The following FERMT1 variants were observed in gnomAD, a reference collection of about 807,000 sequenced individuals.
FERMT1 encodes the protein FERM domain containing kindlin 1, also known as fermitin family homolog 1.
A neutral mutation model predicts 85.3 loss-of-function variants in FERMT1; 60 were observed. The ratio of observed to expected loss-of-function variants is 0.70; its 90% confidence interval spans 0.57 to 0.87. The LOEUF (loss-of-function observed/expected upper bound fraction) is 0.87, where lower values mean the gene tolerates loss of function less well. FERMT1 is among the 40% of genes least tolerant of loss of function. FERMT1 has a pLI of 0.00. For missense variants in FERMT1, 701 were observed against 818.9 expected (o/e 0.86, Z 1.76); for synonymous variants, 275 against 301.1 (o/e 0.91, Z 0.90).
chr20:6,115,618 A>G (rs1983073981), intron 3 of FERMT1, among the ~76,000 whole-genome samples, 193 bp downstream of exon 3: 1 of 152,208 alleles, frequency 6.6e-6, no homozygotes, highest in African/African-American at 2.4e-5. Flanking sequence ...GATGTACCTG[A>G]TTTATGCCAA....
At chr20:6,079,285 T>C (rs1361487530) in intron 14 of FERMT1, 151 bp downstream of exon 14, 5 of 889,982 alleles carry the variant, frequency 5.6e-6, no homozygotes, top group Non-Finnish European at 9.2e-6. Context: ...CAGAATTGCA[T>C]ATGATGATTT....
intron 6 of FERMT1, among the ~76,000 whole-genome samples, chr20:6,105,090 G>A (rs1035585261): frequency 1.3e-5 from 2 of 152,160 alleles, no homozygotes; most frequent in South Asian, 2.1e-4. Flanking sequence ...GGGGTGAGGG[G>A]CAAAGAAAGT....
intron 9 of FERMT1, among the ~76,000 whole-genome samples, chr20:6,092,966 C>T (rs1417870355): frequency 6.6e-6 from 1 of 151,796 alleles, no homozygotes; most frequent in Non-Finnish European, 1.5e-5. Context: ...TTTATTTTAT[C>T]TAGCATGCAT....
intron 8 of FERMT1, among the ~76,000 whole-genome samples, chr20:6,096,056 G>A (rs751352085): frequency 4.2e-4 from 64 of 152,194 alleles, no homozygotes; most frequent in Non-Finnish European, 7.1e-4. Context: ...CATGGATAAG[G>A]AGAAAGAGAT....
chr20:6,101,828 G>T (rs1401433185), intron 6 of FERMT1, among the ~76,000 whole-genome samples: 2 of 151,746 alleles, frequency 1.3e-5, no homozygotes, highest in Non-Finnish European at 2.9e-5. Context: ...AATTTTTTTT[G>T]TATTTTTAGT....
rs1265074883 is a variant in FERMT1, at chr20:6,097,588, C to T, written c.893G>A (p.Trp298Ter). ...RINQLYEQAR[W>*]AILLEEIDCT... ...ATCAATTTCTTCTAAGAGAATGGCCCACCTGGCTTGCTCATAGAGTTGGTT... is the reference window on the plus strand; with the variant it reads ...ATCAATTTCTTCTAAGAGAATGGCCTACCTGGCTTGCTCATAGAGTTGGTT... The change falls in exon 7 of 15, where the codon TGG (tryptophan) becomes TAG (stop). Residue 298 changes from tryptophan to a stop codon, truncating the protein, a stop_gained. Coordinates refer to ENST00000217289, the MANE Select transcript of FERMT1 (RefSeq NM_017671.5). LOFTEE classifies it high-confidence loss of function. 1 of 1,613,910 alleles carries T rather than the reference C, an allele frequency of 6.2e-7. No homozygotes were observed. The highest frequency in any genetic ancestry group is 8.5e-7 in the Non-Finnish European group (1 of 1,180,002).
At chr20:6,103,503 A>G (rs191081117) in intron 6 of FERMT1, among the ~76,000 whole-genome samples, 4 of 152,320 alleles carry the variant, frequency 2.6e-5, no homozygotes, top group Admixed American at 2.6e-4. Flanking sequence ...TGCCCTCTAT[A>G]GACTAATTTA....
chr20:6,077,094 C>G lies in FERMT1; in HGVS notation c.*79G>C. On this transcript the variant is annotated 3_prime_UTR_variant, in exon 15 of 15. Coordinates refer to ENST00000217289, the MANE Select transcript of FERMT1 (RefSeq NM_017671.5). ...TGTCTGTTAGTCCAGAATCTACATG[C>G]TGGGCACGTTAGGGATCCCTCTGGG... The G allele has an allele frequency of 7.1e-7, 1 of 1,405,796 alleles. No homozygotes were observed. Among genetic ancestry groups the G allele is most frequent in the Non-Finnish European group, 1.0e-6 (1 of 992,120 alleles). 87.1% of individuals were successfully genotyped at this position (1,405,796 alleles called of 1,614,324 possible).
chr20:6,109,735 A>C (rs575046088), intron 5 of FERMT1, among the ~76,000 whole-genome samples: 40 of 152,104 alleles, frequency 2.6e-4, no homozygotes, highest in African/African-American at 9.2e-4. Context: ...CCCAATCTCT[A>C]CTAAAAAAAT....
At chr20:6,092,526 G>T (rs1261358116) in intron 9 of FERMT1, among the ~76,000 whole-genome samples, 3 of 151,680 alleles carry the variant, frequency 2.0e-5, no homozygotes, top group Non-Finnish European at 4.4e-5. Flanking sequence ...TTGGGTGACA[G>T]AACGAGACTT....
chr20:6,117,674 C>T (rs1172584436), intron 2 of FERMT1, among the ~76,000 whole-genome samples: 2 of 151,878 alleles, frequency 1.3e-5, no homozygotes, highest in East Asian at 1.9e-4. Context: ...CCTCGTGATC[C>T]ACCCACCTCA....
chr20:6,107,571 T>C lies in FERMT1; in HGVS notation c.810A>G (p.Leu270=). 6.2e-7 allele frequency: 1 copy of C among 1,613,064 alleles called. No individual in the cohort carries two copies. The highest frequency in any genetic ancestry group is 2.2e-5 in the East Asian group (1 of 44,836). ...CGAAGAAAGAATAATATTTAAATCGTAAGAGCAGCTGCTCATCCTCTTGGA... is the reference window on the plus strand; with the variant it reads ...CGAAGAAAGAATAATATTTAAATCGCAAGAGCAGCTGCTCATCCTCTTGGA... ...QGIQEDEQLL[L]RFKYYSFFDL... is the part of the protein sequence containing the mutation. Residue 270 remains leucine (L), a synonymous_variant, in exon 6 of 15, where the codon TTA becomes TTG. Transcript: ENST00000217289.
intron 9 of FERMT1, among the ~76,000 whole-genome samples, chr20:6,091,905 G>A (rs897951039): frequency 2.6e-5 from 4 of 151,874 alleles, no homozygotes; most frequent in African/African-American, 9.7e-5. Context: ...GCATAAGAAC[G>A]AGCGAGACAG....
chr20:6,099,494 C>CA (rs944267307), intron 6 of FERMT1, among the ~76,000 whole-genome samples: 1 of 149,736 alleles, frequency 6.7e-6, no homozygotes, highest in Non-Finnish European at 1.5e-5. Flanking sequence ...AAGCCAAATA[C>CA]AAAAAAACAA....
At position 6,104,700 on chromosome 20, in the gene FERMT1, G is replaced by A. The variant is rs889623995; in HGVS notation, c.849+2832C>T. 1.3e-5 allele frequency among the ~76,000 whole-genome samples: 2 copies of A among 152,214 alleles called. No homozygotes were observed. Among genetic ancestry groups the A allele is most frequent in the African/African-American group, 2.4e-5 (1 of 41,460 alleles). ...AAGCGGGCAGAGGCTGGAGGCCAAA[G>A]AGCCAGAGACAACAGCCCTTGTGAC... is the stretch of plus-strand genomic sequence containing the variant. On this transcript the variant is annotated intron_variant, in intron 6 of 14. Transcript: ENST00000217289. The surrounding 1 kb of genome is among the most constrained non-coding windows in gnomAD (Gnocchi z 4.2).
intron 3 of FERMT1, among the ~76,000 whole-genome samples, chr20:6,115,332 C>T (rs1340353007): frequency 6.6e-6 from 1 of 152,128 alleles, no homozygotes; most frequent in Non-Finnish European, 1.5e-5. Context: ...ATTAAGTGTA[C>T]TTTTCTGCTT....
At chr20:6,100,210 T>C (rs1265444525) in intron 6 of FERMT1, among the ~76,000 whole-genome samples, 1 of 152,174 alleles carries the variant, frequency 6.6e-6, no homozygotes, top group African/African-American at 2.4e-5. Flanking sequence ...TGTTCATTGA[T>C]TGATGAATGA....
chr20:6,122,386 T>C (rs561830197), intron 1 of FERMT1, among the ~76,000 whole-genome samples: 35 of 152,210 alleles, frequency 2.3e-4, no homozygotes, highest in African/African-American at 7.9e-4. Context: ...AACGAAAGCA[T>C]GGAGGGATGG....
At chr20:6,113,062 T>C (rs542956058) in intron 3 of FERMT1, among the ~76,000 whole-genome samples, 1 of 152,286 alleles carries the variant, frequency 6.6e-6, no homozygotes, top group African/African-American at 2.4e-5. Context: ...TTCCCATGTG[T>C]TGTCAGAGGG....
Sources: allele counts gnomAD v4.1 joint callset (sites outside exome capture counted in the v4.1 genomes callset), GRCh38; gene constraint gnomAD v4.1.1; non-coding constraint Gnocchi (gnomAD v3.1); transcripts MANE v1.5; gene names NCBI Gene and HGNC (gene_info 2026-07-23, HGNC 2026-07-21).